Variants in NLRP8 observed in about 807,000 individuals in gnomAD.
NLRP8 encodes the protein NACHT, LRR and PYD domains-containing protein 8.
In NLRP8, 86 loss-of-function variants were observed where a neutral mutation model predicts 88.7. The ratio of observed to expected loss-of-function variants is 0.97; its 90% CI spans 0.81 to 1.16. The LOEUF is 1.16. Ranked by LOEUF, NLRP8 falls within the 50% of genes most tolerant of loss-of-function variation. The pLI, the probability that NLRP8 is intolerant of heterozygous loss-of-function variation, is 0.00. For synonymous variants in NLRP8, 504 were observed against 494.6 expected (o/e 1.02, Z -0.25); for missense variants, 1,342 against 1,286.5 (o/e 1.04, Z -0.66).
At chr19:55,953,644 C>A (rs1386942912) in intron 2 of NLRP8, among the ~76,000 whole-genome samples, 1 of 152,078 alleles carries the variant, frequency 6.6e-6, no homozygotes, top group Non-Finnish European at 1.5e-5. Flanking sequence ...GGATTACAGG[C>A]ACATGCCACC....
chr19:55,972,505 T>A (rs533556894), intron 6 of NLRP8, among the ~76,000 whole-genome samples: 2 of 152,028 alleles, frequency 1.3e-5, no homozygotes, highest in South Asian at 4.2e-4. Flanking sequence ...TCGTGGTGAT[T>A]TCTGGGATTT....
Position 55,954,719 on chromosome 19 carries a change from A to T in NLRP8, c.661A>T (p.Lys221Ter). Residue 221 changes from lysine (K) to a stop codon, truncating the protein, a stop_gained, in exon 3 of 10, where the codon AAA becomes TAA. Transcript: ENST00000291971. LOFTEE classifies it high-confidence loss of function. Reference sequence around the variant, plus strand: ...TGGGATCGGAAAAACAATCCTGGCCAAAAAGGTGATGTTTGAGTGGGCCAG... The same window carrying T: ...TGGGATCGGAAAAACAATCCTGGCCTAAAAGGTGATGTTTGAGTGGGCCAG... The T allele has an allele frequency of 6.2e-7, 1 of 1,614,150 alleles. No individual in the cohort carries two copies. The highest frequency in any genetic ancestry group is 1.1e-5 in the South Asian group (1 of 91,086).
intron 9 of NLRP8, among the ~76,000 whole-genome samples, chr19:55,985,218 G>A (rs1434388685): frequency 5.3e-5 from 8 of 152,004 alleles, no homozygotes; most frequent in Admixed American, 3.9e-4. Context: ...CAGGAGAATC[G>A]CTTGAACTGG....
At chr19:55,983,662 A>G (rs1980672286) in intron 9 of NLRP8, among the ~76,000 whole-genome samples, 1 of 151,724 alleles carries the variant, frequency 6.6e-6, no homozygotes, top group African/African-American at 2.4e-5. Flanking sequence ...CCAAGTACTC[A>G]AAGTTAACAT....
chr19:55,950,805 C>T (rs892394966), intron 1 of NLRP8, among the ~76,000 whole-genome samples: 27 of 152,302 alleles, frequency 1.8e-4, no homozygotes, highest in African/African-American at 5.3e-4. Flanking sequence ...TGGGGCCAGG[C>T]GCAGTGGCTC....
Position 55,947,884 on chromosome 19 carries a change from T to G in NLRP8, c.-19T>G. 1.3e-6 allele frequency: 2 copies of G among 1,594,496 alleles called. No homozygotes were observed. The highest frequency in any genetic ancestry group is 8.6e-7 in the Non-Finnish European group (1 of 1,168,672). On this transcript the variant is annotated 5_prime_UTR_variant, in exon 1 of 10. Transcript: ENST00000291971. ...TGTCTTTATCGTGGACACTGAGGTG[T>G]TCTCTGCCTTGACTAAAGATGAGTG...
At chr19:55,957,715 AT>A (rs1979440564) in intron 3 of NLRP8, among the ~76,000 whole-genome samples, 1 of 112,002 alleles carries the variant, frequency 8.9e-6, no homozygotes, top group Non-Finnish European at 1.8e-5. Flanking sequence ...ATATATATAT[AT>A]ATATATATAA....
At chr19:55,976,945 T>C (rs1260331435) in intron 8 of NLRP8, among the ~76,000 whole-genome samples, 3 of 149,252 alleles carry the variant, frequency 2.0e-5, no homozygotes, top group African/African-American at 7.4e-5. Flanking sequence ...CTGGGCGTGG[T>C]GGTGGGCGCC....
Position 55,954,503 on chromosome 19 carries a change from A to T in NLRP8, c.445A>T (p.Lys149Ter). The change falls in exon 3 of 10, where the codon AAA becomes TAA. Residue 149 changes from lysine (K) to a stop codon, truncating the protein, a stop_gained and splice_region_variant. Transcript: ENST00000291971. LOFTEE classifies it high-confidence loss of function. The stretch of plus-strand genomic sequence containing the variant: ...TTTCTCCCATCTCACAAATCTAGGT[A>T]AAATACGGCGGTATAAATCGAATGT... The T allele has an allele frequency of 6.2e-7, 1 of 1,612,330 alleles. No individual in the cohort carries two copies. The highest frequency in any genetic ancestry group is 8.5e-7 in the Non-Finnish European group (1 of 1,179,060).
In NLRP8 at chr19:55,976,320, C is replaced by T; in HGVS notation, c.2876+17C>T. The T allele has an allele frequency of 6.3e-7, 1 of 1,581,942 alleles. No individual in the cohort carries two copies. On this transcript the variant is annotated intron_variant, in intron 8 of 9. Transcript: ENST00000291971. ...GATCCTGGAGTAAGTGGCCCCTCGT[C>T]TCCTCCTGTGAGACCAGGAGAATTG...
In NLRP8 at chr19:55,948,151, G is replaced by T; in HGVS notation, c.249G>T (p.Glu83Asp). The change falls in exon 1 of 10, where the codon GAG becomes GAT. Residue 83 changes from glutamate to aspartate, a missense_variant. Coordinates refer to ENST00000291971, the MANE Select transcript of NLRP8 (RefSeq NM_176811.2). The stretch of plus-strand genomic sequence containing the variant: ...AGGTCGAGACAGCCAGCTGGGCAGA[G>T]GTGGTTCATCTCTTGATAGAGCGTT... The T allele has an allele frequency of 6.2e-7, 1 of 1,614,180 alleles. No homozygotes were observed. The highest frequency in any genetic ancestry group is 8.5e-7 in the Non-Finnish European group (1 of 1,180,038).
intron 6 of NLRP8, among the ~76,000 whole-genome samples, chr19:55,973,070 C>A (rs1005621689): frequency 6.6e-6 from 1 of 152,142 alleles, no homozygotes; most frequent in Non-Finnish European, 1.5e-5. Context: ...TACTAGTTTA[C>A]ATTTCCATCA....
At chr19:55,986,291 C>A (rs572004537) in intron 9 of NLRP8, among the ~76,000 whole-genome samples, 1 of 151,396 alleles carries the variant, frequency 6.6e-6, no homozygotes, top group South Asian at 2.1e-4. Flanking sequence ...CACACTCACA[C>A]ACACACTCTA....
chr19:55,954,612 A>T lies in NLRP8; in HGVS notation c.554A>T (p.His185Leu). 1 of 1,614,242 alleles carries T rather than the reference A, an allele frequency of 6.2e-7. No individual in the cohort carries two copies. Among genetic ancestry groups the T allele is most frequent in the Admixed American group, 1.7e-5 (1 of 60,024 alleles). Residue 185 changes from histidine (H) to leucine (L), a missense_variant, in exon 3 of 10, where the codon CAC becomes CTC. His to Leu is a moderately conservative substitution (Grantham distance 99). Transcript: ENST00000291971. ...TTCTTCTACCAAGGTGTACACAGGC[A>T]CGAGGAGTACTTACCATGTCTGCTT... is the stretch of plus-strand genomic sequence containing the variant.
chr19:55,953,389 A>G (rs879036843), intron 2 of NLRP8, among the ~76,000 whole-genome samples: 1 of 152,168 alleles, frequency 6.6e-6, no homozygotes, highest in Non-Finnish European at 1.5e-5. Flanking sequence ...AACGTAATGC[A>G]CTTGAATTAT....
rs538589626 is a variant in NLRP8, at chr19:55,982,759, T to C, written c.3047+3195T>C. ...GAGTTAGTGACCAGCCTGGGCAACATAGGGAGTCCCCATCTACATTAAAAA... is the reference window on the plus strand; with the variant it reads ...GAGTTAGTGACCAGCCTGGGCAACACAGGGAGTCCCCATCTACATTAAAAA... On this transcript the variant is annotated intron_variant, in intron 9 of 9. Transcript: ENST00000291971. 6.6e-5 allele frequency among the ~76,000 whole-genome samples: 10 copies of C among 151,842 alleles called. No homozygotes were observed. In the South Asian group the frequency reaches 1.3e-3, roughly 19 times the overall value.
At chr19:55,960,007 T>C (rs1246598104) in intron 3 of NLRP8, among the ~76,000 whole-genome samples, 1 of 152,116 alleles carries the variant, frequency 6.6e-6, no homozygotes, top group African/African-American at 2.4e-5. Context: ...TAAAACTTGT[T>C]TGTGGAGGTC....
At chr19:55,976,028 C>T in intron 7 of NLRP8, 105 bp from the exon 8 acceptor site, 1 of 1,135,870 alleles carries the variant, frequency 8.8e-7, no homozygotes, top group African/African-American at 1.6e-5. Flanking sequence ...AAAAACAGAA[C>T]CCAAAAACAA....
chr19:55,975,221 C>A (rs1172514494), intron 7 of NLRP8, among the ~76,000 whole-genome samples: 1 of 152,184 alleles, frequency 6.6e-6, no homozygotes, highest in Non-Finnish European at 1.5e-5. Flanking sequence ...AATTCCCATC[C>A]CCTAATTCAA....
Sources: allele counts gnomAD v4.1 joint callset (sites outside exome capture counted in the v4.1 genomes callset), GRCh38; gene constraint gnomAD v4.1.1; transcripts MANE v1.5; gene names NCBI Gene and HGNC (gene_info 2026-07-23, HGNC 2026-07-21).